The following SLC24A2 variants were observed in gnomAD, a reference collection of about 807,000 sequenced individuals.
SLC24A2 encodes sodium/potassium/calcium exchanger 2.
A neutral mutation model predicts 62.0 loss-of-function variants in SLC24A2; 36 were observed. The observed-to-expected ratio is 0.58, with a 90% CI of 0.44 to 0.77. The LOEUF is 0.77. SLC24A2 is among the 30% of genes least tolerant of loss of function. The probability of loss-of-function intolerance (pLI) is 0.00; values close to 1 mark genes in which losing one functional copy is unlikely to be tolerated. For missense variants in SLC24A2, 846 were observed against 817.9 expected (o/e 1.03, Z -0.42); for synonymous variants, 358 against 294.0 (o/e 1.22, Z -2.23).
chr9:20,060,001 G>T, the SLC24A2 span, among the ~76,000 whole-genome samples: 11 of 152,118 alleles, frequency 7.2e-5, no homozygotes, highest in East Asian at 1.9e-3. Context: ...AAATAAAAAG[G>T]ACTATAAGAG....
chr9:19,521,451 A>T (rs984501042), intron 9 of SLC24A2, among the ~76,000 whole-genome samples: 1 of 152,200 alleles, frequency 6.6e-6, no homozygotes, highest in Non-Finnish European at 1.5e-5. Context: ...TTTGCCCTTC[A>T]ACTTACTACC....
At chr9:19,709,369 A>T (rs11999555) in intron 2 of SLC24A2, among the ~76,000 whole-genome samples, 20,228 of 152,136 alleles carry the variant, frequency 0.13, 2,318 homozygotes, top group African/African-American at 0.32. Flanking sequence ...GATCTAGAAC[A>T]AGAAATACCA....
chr9:20,275,627 C>G, the SLC24A2 span, among the ~76,000 whole-genome samples: 1 of 152,192 alleles, frequency 6.6e-6, no homozygotes, highest in Non-Finnish European at 1.5e-5. Flanking sequence ...TCATTTTACT[C>G]CAATGATATG....
chr9:20,305,434 G>A, the SLC24A2 span, among the ~76,000 whole-genome samples: 1 of 152,130 alleles, frequency 6.6e-6, no homozygotes, highest in Non-Finnish European at 1.5e-5. Context: ...TTACCAAGGA[G>A]TCAGTGTAGA....
the SLC24A2 span, chr9:19,928,799 TA>T: frequency 2.0e-5 from 3 of 152,350 alleles, no homozygotes; most frequent in East Asian, 5.8e-4. Context: ...CTGGTTCTAT[TA>T]GTCTTTGGTT....
At chr9:19,636,734 A>G (rs1818367674) in intron 2 of SLC24A2, among the ~76,000 whole-genome samples, 1 of 152,042 alleles carries the variant, frequency 6.6e-6, no homozygotes, top group Admixed American at 6.6e-5. Context: ...ACGCCTGGCC[A>G]GTACTAGGGT....
At chr9:20,127,485 G>GA in the SLC24A2 span, among the ~76,000 whole-genome samples, 1 of 152,020 alleles carries the variant, frequency 6.6e-6, no homozygotes, top group African/African-American at 2.4e-5. Flanking sequence ...TGCAAAAATG[G>GA]AAAAAATAAA....
the SLC24A2 span, among the ~76,000 whole-genome samples, chr9:20,043,128 G>A: frequency 6.6e-6 from 1 of 152,300 alleles, no homozygotes; most frequent in East Asian, 1.9e-4. Context: ...AGCTTAGTGA[G>A]GAAGGCATGT....
chr9:19,668,004 G>A (rs1292324767), intron 2 of SLC24A2, among the ~76,000 whole-genome samples: 1 of 152,018 alleles, frequency 6.6e-6, no homozygotes, highest in Admixed American at 6.6e-5. Context: ...ATTTCTTACT[G>A]TATTTTTAAT....
the SLC24A2 span, among the ~76,000 whole-genome samples, chr9:19,815,301 A>G: frequency 6.6e-6 from 1 of 152,086 alleles, no homozygotes; most frequent in Admixed American, 6.6e-5. Context: ...TCAAATTCTC[A>G]TTTCTTCCTT....
chr9:19,816,138 T>G, the SLC24A2 span, among the ~76,000 whole-genome samples: 1 of 152,088 alleles, frequency 6.6e-6, no homozygotes, highest in Non-Finnish European at 1.5e-5. Flanking sequence ...TGCATGCTTT[T>G]CCTTCTGTCT....
At chr9:20,024,182 C>G in the SLC24A2 span, among the ~76,000 whole-genome samples, 1 of 152,110 alleles carries the variant, frequency 6.6e-6, no homozygotes, top group African/African-American at 2.4e-5. Context: ...AGTTGGAGGA[C>G]TACTTAAAGG....
chr9:19,630,998 T>G (rs1189348645), intron 2 of SLC24A2, among the ~76,000 whole-genome samples: 1 of 152,152 alleles, frequency 6.6e-6, no homozygotes, highest in Non-Finnish European at 1.5e-5. Flanking sequence ...TACTTCCACA[T>G]TCCATTTCCA....
At chr9:20,254,980 C>G in the SLC24A2 span, among the ~76,000 whole-genome samples, 1 of 152,088 alleles carries the variant, frequency 6.6e-6, no homozygotes, top group Non-Finnish European at 1.5e-5. Flanking sequence ...ATGAGAACAG[C>G]ACAGGAAAAA....
At chr9:19,747,719 A>G (rs932452686) in intron 2 of SLC24A2, among the ~76,000 whole-genome samples, 3 of 152,176 alleles carry the variant, frequency 2.0e-5, no homozygotes, top group African/African-American at 7.2e-5. Flanking sequence ...GACAGATCAA[A>G]TGCAAATGTG....
rs1423846314 is a variant in SLC24A2, at chr9:19,521,054, C to G, written c.1576G>C (p.Glu526Gln). Residue 526 changes from glutamate to glutamine, a missense_variant, in exon 10 of 11, where the codon GAG becomes CAG. Coordinates refer to ENST00000341998, the MANE Select transcript of SLC24A2 (RefSeq NM_020344.4). Reference protein sequence around the residue: ...LMVWWAHQVGETIGISEEIMG... With the variant: ...LMVWWAHQVGQTIGISEEIMG... ...ATCTCTTCACTGATGCCAATTGTCT[C>G]TCCAACCTAAATGTCAGGACAGGAA... is the stretch of plus-strand genomic sequence containing the variant. The G allele has an allele frequency of 3.1e-6, 5 of 1,613,910 alleles. No individual in the cohort carries two copies. Among genetic ancestry groups the G allele is most frequent in the Middle Eastern group, 1.6e-4 (1 of 6,084 alleles).
chr9:20,236,838 C>G, the SLC24A2 span, among the ~76,000 whole-genome samples: 6 of 152,042 alleles, frequency 3.9e-5, no homozygotes, highest in African/African-American at 1.4e-4. Context: ...TTGTACCAGA[C>G]ATGAGGGTGA....
chr9:20,081,603 C>T, the SLC24A2 span, among the ~76,000 whole-genome samples: 5 of 151,834 alleles, frequency 3.3e-5, no homozygotes, highest in South Asian at 2.1e-4. Context: ...ACGTTGTGCA[C>T]GTGTACCCTA....
intron 8 of SLC24A2, among the ~76,000 whole-genome samples, chr9:19,544,656 C>G (rs1834458987): frequency 1.3e-5 from 2 of 152,162 alleles, no homozygotes; most frequent in Non-Finnish European, 2.9e-5. Context: ...ATTTGCTTGT[C>G]TGTAAAGGAG....
Sources: allele counts gnomAD v4.1 joint callset (sites outside exome capture counted in the v4.1 genomes callset), GRCh38; gene constraint gnomAD v4.1.1; transcripts MANE v1.5; gene names NCBI Gene and HGNC (gene_info 2026-07-23, HGNC 2026-07-21).